The following HIF1A variants were observed in gnomAD, a reference collection of about 807,000 sequenced individuals.
HIF1A encodes the protein hypoxia-inducible factor 1-alpha.
Under a neutral mutation model 92.7 loss-of-function variants are expected in HIF1A, and 24 were observed. That is an observed-to-expected ratio of 0.26 (90% CI 0.19 to 0.36). HIF1A has a LOEUF of 0.36. Ranked by LOEUF, HIF1A falls within the 10% of genes least tolerant of loss-of-function variation. HIF1A has a pLI of 1.00. For synonymous variants in HIF1A, 319 were observed against 338.7 expected (o/e 0.94, Z 0.64); for missense variants, 799 against 998.5 (o/e 0.80, Z 2.69).
chr14:61,719,135 C>A (rs947372572), intron 1 of HIF1A, among the ~76,000 whole-genome samples: 1 of 152,110 alleles, frequency 6.6e-6, no homozygotes, highest in Admixed American at 6.6e-5. Context: ...GGAGACAATT[C>A]GGTACTTCAT....
At chr14:61,723,080 A>C (rs1489225561) in intron 4 of HIF1A, among the ~76,000 whole-genome samples, 1 of 152,192 alleles carries the variant, frequency 6.6e-6, no homozygotes, top group Non-Finnish European at 1.5e-5. Context: ...AAAATTTCTT[A>C]TGTTCTGCTG....
intron 1 of HIF1A, among the ~76,000 whole-genome samples, chr14:61,710,540 T>G (rs902547941): frequency 2.6e-5 from 4 of 152,178 alleles, no homozygotes; most frequent in African/African-American, 9.7e-5. Context: ...CCAGATAAAA[T>G]AATAGATTGC....
chr14:61,707,942 G>A (rs879701730), intron 1 of HIF1A, among the ~76,000 whole-genome samples: 17 of 152,120 alleles, frequency 1.1e-4, no homozygotes, highest in South Asian at 4.2e-4. Context: ...AAGTGTTCCT[G>A]TTTCTCCACA....
chr14:61,721,568 T>C lies in HIF1A; in HGVS notation c.286T>C (p.Leu96=), dbSNP rs1246137541. Residue 96 remains leucine (L), a synonymous_variant, in exon 3 of 15, where the codon TTG becomes CTG. Coordinates refer to ENST00000337138, the MANE Select transcript of HIF1A (RefSeq NM_001530.4). ...GATGAATTGCTTTTATTTGAAAGCC[T>C]TGGATGGTTTTGTTATGGTTCTCAC... ...AQMNCFYLKA[L]DGFVMVLTDD... The C allele has an allele frequency of 1.2e-6, 2 of 1,612,848 alleles. No individual in the cohort carries two copies. The highest frequency in any genetic ancestry group is 1.7e-6 in the Non-Finnish European group (2 of 1,178,954).
intron 1 of HIF1A, chr14:61,697,759 G>T (rs1022451710): frequency 1.4e-6 from 2 of 1,417,634 alleles, no homozygotes; most frequent in South Asian, 1.6e-5. Flanking sequence ...TATAATAGAT[G>T]ACCTTTTCTA....
Position 61,745,603 on chromosome 14 carries a change from T to C in HIF1A, c.2203-88T>C, listed in dbSNP as rs374100651. The stretch of plus-strand genomic sequence containing the variant: ...AGTATTTAAGAAACTGCCTATAATG[T>C]TATTAAATTTACACCAATTTCAAGG... On this transcript the variant is annotated intron_variant, in intron 13 of 14. Transcript: ENST00000337138. The C allele has an allele frequency of 1.2e-4, 125 of 1,053,126 alleles. 1 individual carries two copies. The Middle Eastern group carries it at 4.2e-3, about 36-fold the overall frequency. The allele number at this position is 1,053,126 out of a possible 1,614,324, so 65.2% of individuals were successfully genotyped here.
intron 1 of HIF1A, among the ~76,000 whole-genome samples, chr14:61,707,009 A>C (rs76276969): frequency 0.15 from 22,341 of 152,252 alleles, 3,499 homozygotes; most frequent in African/African-American, 0.4. Flanking sequence ...TATGTGGTGT[A>C]TTAATGTCTT....
chr14:61,745,712 G>C lies in HIF1A; in HGVS notation c.2224G>C (p.Asp742His). Residue 742 changes from aspartate to histidine, a missense_variant, in exon 14 of 15, where the codon GAC becomes CAC. By Grantham distance (81) the Asp-to-His change is moderately conservative (BLOSUM62 -1). Around this residue, in one of 2 missense-constraint regions of HIF1A, gnomAD observed 283 missense variants for 277.5 expected, o/e 1.02. Coordinates refer to ENST00000337138, the MANE Select transcript of HIF1A (RefSeq NM_001530.4). ...ATAGGGAACATTATTACAGCAGCCA[G>C]ACGATCATGCAGCTACTACATCACT... ...VGIGTLLQQP[D>H]DHAATTSLSW... 6.2e-7 allele frequency: 1 copy of C among 1,613,388 alleles called. No individual in the cohort carries two copies. The highest frequency in any genetic ancestry group is 1.1e-5 in the South Asian group (1 of 91,038).
At chr14:61,742,885 CAAAAAAAAAAAA>C (rs766112676) in intron 12 of HIF1A, among the ~76,000 whole-genome samples, 1 of 16,608 alleles carries the variant, frequency 6.0e-5, no homozygotes, top group Non-Finnish European at 2.3e-4. Flanking sequence ...AACTCGGTTT[CAAAAAAAAAAAA>C]AAAAAAAAAA....
At chr14:61,718,581 GTTTTAT>G (rs1471595258) in intron 1 of HIF1A, among the ~76,000 whole-genome samples, 2 of 152,004 alleles carry the variant, frequency 1.3e-5, no homozygotes, top group Non-Finnish European at 1.5e-5. Context: ...CAAGTCTTAC[GTTTTAT>G]TTTTAAGTTT....
At chr14:61,744,282 T>A (rs1033157127) in intron 12 of HIF1A, among the ~76,000 whole-genome samples, 1 of 152,120 alleles carries the variant, frequency 6.6e-6, no homozygotes, top group Admixed American at 6.5e-5. Context: ...CCCAGCACTT[T>A]GGGAGGCCAA....
rs2044521770 is a variant in HIF1A, at chr14:61,727,536, C to T, written c.654C>T (p.Thr218=). ...PQCGYKKPPM[T]CLVLICEPIP... ...GTGGGTATAAGAAACCACCTATGAC[C>T]TGCTTGGTGCTGATTTGTGAACCCA... The change falls in exon 6 of 15, where the codon ACC becomes ACT. Residue 218 remains threonine, a synonymous_variant. Transcript: ENST00000337138. 4 of 1,613,526 alleles carry T rather than the reference C, an allele frequency of 2.5e-6. No homozygotes were observed. Among genetic ancestry groups the T allele is most frequent in the African/African-American group, 2.7e-5 (2 of 75,002 alleles).
At chr14:61,732,865 A>G (rs1460622109) in intron 7 of HIF1A, among the ~76,000 whole-genome samples, 1 of 152,234 alleles carries the variant, frequency 6.6e-6, no homozygotes, top group Non-Finnish European at 1.5e-5. Context: ...AAGTATTTGT[A>G]CAATCAATGA....
intron 1 of HIF1A, among the ~76,000 whole-genome samples, chr14:61,701,937 A>G (rs1018178699): frequency 9.9e-5 from 15 of 152,046 alleles, no homozygotes; most frequent in Non-Finnish European, 1.9e-4. Context: ...GCGGTGAGCC[A>G]AGATCGCCCC....
chr14:61,714,733 G>A (rs561730119), intron 1 of HIF1A, among the ~76,000 whole-genome samples: 4 of 152,194 alleles, frequency 2.6e-5, no homozygotes, highest in African/African-American at 9.6e-5. Flanking sequence ...TTAAAAATGA[G>A]TACAAACAAC....
chr14:61,744,634 T>G, intron 12 of HIF1A, 71 bp from the exon 13 acceptor site: 1 of 609,960 alleles, frequency 1.6e-6, no homozygotes, highest in Non-Finnish European at 2.9e-6. Context: ...TTATGTATTT[T>G]CTTTAAAAGC....
intron 10 of HIF1A, 52 bp from the exon 11 acceptor site, chr14:61,740,453 C>CA (rs2044695788): frequency 2.9e-6 from 4 of 1,362,566 alleles, no homozygotes; most frequent in Non-Finnish European, 4.0e-6. Flanking sequence ...TGACAACTAG[C>CA]AAAGTATATG....
In HIF1A at chr14:61,718,780, G is replaced by C. The variant is rs561270096; in HGVS notation, c.36-1602G>C. ...ATATAACTAGTTTTAAGTGATAATAGTTTCTTCCTTTTTTTCCTCCACCAT... is the reference window on the plus strand; with the variant it reads ...ATATAACTAGTTTTAAGTGATAATACTTTCTTCCTTTTTTTCCTCCACCAT... On this transcript the variant is annotated intron_variant, in intron 1 of 14. Coordinates refer to ENST00000337138, the MANE Select transcript of HIF1A (RefSeq NM_001530.4). Among the ~76,000 whole-genome samples the C allele has an allele frequency of 9.3e-4, 141 of 152,110 alleles. 3 individuals are homozygous for C. The highest frequency in any genetic ancestry group is 2.9e-4 in the Non-Finnish European group (20 of 68,006).
intron 1 of HIF1A, among the ~76,000 whole-genome samples, chr14:61,702,893 C>T (rs1180432384): frequency 6.6e-6 from 1 of 152,060 alleles, no homozygotes; most frequent in East Asian, 1.9e-4. Flanking sequence ...TTTTAACCTG[C>T]TTTTAAAAAA....
Sources: allele counts gnomAD v4.1 joint callset (sites outside exome capture counted in the v4.1 genomes callset), GRCh38; gene constraint gnomAD v4.1.1; regional missense constraint gnomAD v4.1.1; transcripts MANE v1.5; gene names NCBI Gene and HGNC (gene_info 2026-07-23, HGNC 2026-07-21).